The following TTC7B variants were observed in gnomAD, a reference collection of about 807,000 sequenced individuals.
TTC7B encodes the protein tetratricopeptide repeat domain 7B.
A neutral mutation model predicts 106.8 loss-of-function variants in TTC7B; 28 were observed. The ratio of observed to expected loss-of-function variants is 0.26; its 90% CI spans 0.19 to 0.36. The LOEUF (loss-of-function observed/expected upper bound fraction) is 0.36. TTC7B is among the 10% of genes least tolerant of loss of function. The probability of loss-of-function intolerance (pLI) is 1.00; values close to 1 mark genes in which losing one functional copy is unlikely to be tolerated. For missense variants in TTC7B, 862 were observed against 1,076.4 expected (o/e 0.80, Z 2.79); for synonymous variants, 405 against 430.6 (o/e 0.94, Z 0.74).
At chr14:90,545,914 G>A (rs1889809644) in intron 19 of TTC7B, among the ~76,000 whole-genome samples, 1 of 151,988 alleles carries the variant, frequency 6.6e-6, no homozygotes, top group Admixed American at 6.5e-5. Flanking sequence ...ACCTGGACTT[G>A]TAGTCCTAAC....
At chr14:90,571,796 T>A (rs947385959) in intron 19 of TTC7B, among the ~76,000 whole-genome samples, 5 of 152,256 alleles carry the variant, frequency 3.3e-5, no homozygotes, top group African/African-American at 1.2e-4. Flanking sequence ...AGATGTCTTC[T>A]GAAGACGTTT....
chr14:90,795,228 C>CA lies in TTC7B; in HGVS notation c.122-8901dup, dbSNP rs58849415. On this transcript the variant is annotated intron_variant, in intron 1 of 19. Coordinates refer to ENST00000328459, the MANE Select transcript of TTC7B (RefSeq NM_001010854.2). Reference sequence around the variant, plus strand: ...ATCTGAGACTACCACAAAAACAAGACAAAAAAAAAATGTTTTCAAGACATT... The same window carrying CA: ...ATCTGAGACTACCACAAAAACAAGACAAAAAAAAAAATGTTTTCAAGACATT... 3.2e-3 allele frequency among the ~76,000 whole-genome samples: 471 copies of CA among 148,588 alleles called. 1 individual carries two copies. The highest frequency in any genetic ancestry group is 4.2e-3 in the Non-Finnish European group (278 of 66,934).
At chr14:90,610,201 T>C (rs1419945167) in intron 17 of TTC7B, among the ~76,000 whole-genome samples, 1 of 152,202 alleles carries the variant, frequency 6.6e-6, no homozygotes, top group African/African-American at 2.4e-5. Flanking sequence ...TCCCCTGTAG[T>C]TAGGTGGACT....
At chr14:90,746,707 A>G (rs868732480) in intron 3 of TTC7B, among the ~76,000 whole-genome samples, 13 of 152,334 alleles carry the variant, frequency 8.5e-5, no homozygotes, top group Admixed American at 5.2e-4. Context: ...ATAGGTATTT[A>G]GTGTCAGCAA....
At chr14:90,724,980 C>CT (rs1364134536) in intron 5 of TTC7B, among the ~76,000 whole-genome samples, 4 of 152,116 alleles carry the variant, frequency 2.6e-5, no homozygotes, top group African/African-American at 7.2e-5. Context: ...ATGTCTTCAT[C>CT]TTTTTTCTTT....
At chr14:90,752,374 A>C (rs776965679) in intron 3 of TTC7B, among the ~76,000 whole-genome samples, 1 of 152,142 alleles carries the variant, frequency 6.6e-6, no homozygotes, top group Non-Finnish European at 1.5e-5. Context: ...AATTTAAAAA[A>C]AGAAAGATTC....
intron 1 of TTC7B, among the ~76,000 whole-genome samples, chr14:90,798,125 A>G (rs2029995174): frequency 6.6e-6 from 1 of 152,158 alleles, no homozygotes; most frequent in Non-Finnish European, 1.5e-5. Flanking sequence ...GAACGTGCCT[A>G]GGCCAGCCCA....
intron 7 of TTC7B, among the ~76,000 whole-genome samples, chr14:90,686,941 C>T (rs867666287): frequency 6.6e-6 from 1 of 151,280 alleles, no homozygotes; most frequent in African/African-American, 2.4e-5. Context: ...GGAACTATTC[C>T]TCAAATTGAT....
At chr14:90,639,832 A>T (rs113653476) in intron 15 of TTC7B, among the ~76,000 whole-genome samples, 47 of 152,322 alleles carry the variant, frequency 3.1e-4, no homozygotes, top group African/African-American at 1.1e-3. Flanking sequence ...AATACTATTC[A>T]TTCATGCAAA....
intron 3 of TTC7B, among the ~76,000 whole-genome samples, chr14:90,752,649 C>T (rs1180616443): frequency 1.3e-5 from 2 of 152,182 alleles, no homozygotes; most frequent in Non-Finnish European, 2.9e-5. Flanking sequence ...CAGCACTATG[C>T]CTGGGATATG....
At position 90,535,674 on chromosome 14, in the gene TTC7B, C is replaced by G. The variant is rs58248078; in HGVS notation, c.*5694G>C. On this transcript the variant is annotated 3_prime_UTR_variant, in exon 20 of 20. Coordinates refer to ENST00000328459, the MANE Select transcript of TTC7B (RefSeq NM_001010854.2). Reference sequence around the variant, plus strand: ...GAAAGAGACTTCACCTTTTCCTCCCCCTTGAGCCCACTCCAACCTGGCTTG... The same window carrying G: ...GAAAGAGACTTCACCTTTTCCTCCCGCTTGAGCCCACTCCAACCTGGCTTG... The G allele has an allele frequency of 0.3, 45,077 of 152,354 alleles. 7,015 individuals carry two copies. Among genetic ancestry groups the G allele is most frequent in the Admixed American group, 0.35 (5,321 of 15,294 alleles). 9.4% of individuals were successfully genotyped at this position (152,354 alleles called of 1,614,324 possible). A position where few individuals can be genotyped will look rare whatever the true frequency, so the allele number is the denominator to read the frequency against.
In TTC7B at chr14:90,708,145, C is replaced by CAAAA. The variant is rs56260414; in HGVS notation, c.699-12571_699-12568dup. 4.7e-3 allele frequency among the ~76,000 whole-genome samples: 291 copies of CAAAA among 61,296 alleles called. 13 individuals carry two copies. Among genetic ancestry groups the CAAAA allele is most frequent in the African/African-American group, 0.017 (271 of 15,592 alleles). The allele number at this position is 61,296 out of a possible 152,430, so 40.2% of individuals were successfully genotyped here. ...CAGGCGACAGTGCGAGACTCCATCT[C>CAAAA]AAAAAAAAAAAAAAAAAAAAAAAAA... On this transcript the variant is annotated intron_variant, in intron 5 of 19. Transcript: ENST00000328459.
At chr14:90,676,892 G>T (rs558891001) in intron 8 of TTC7B, among the ~76,000 whole-genome samples, 1 of 152,280 alleles carries the variant, frequency 6.6e-6, no homozygotes, top group Admixed American at 6.5e-5. Context: ...AACCTAGAGG[G>T]CACCTGTACC....
chr14:90,745,736 G>A (rs1404801350), intron 3 of TTC7B, among the ~76,000 whole-genome samples: 3 of 145,790 alleles, frequency 2.1e-5, no homozygotes, highest in African/African-American at 7.7e-5. Flanking sequence ...ATGTAGTCTC[G>A]CTCTGTCACC....
chr14:90,771,876 A>G (rs939783713), intron 3 of TTC7B, among the ~76,000 whole-genome samples: 1 of 147,226 alleles, frequency 6.8e-6, no homozygotes, highest in Non-Finnish European at 1.5e-5. Context: ...TTAAAAATAA[A>G]TATTAAGTAT....
chr14:90,657,165 C>T lies in TTC7B; in HGVS notation c.1341+9G>A. ...CTGCAGGAGCGGGGAGGGGGGCGCC[C>T]CTACTCACCCAGTGCAGGGAGCCCA... On this transcript the variant is annotated intron_variant, in intron 11 of 19. Transcript: ENST00000328459. This position sits in a 1 kb window ranked among gnomAD's most constrained non-coding sequence, Gnocchi z 4.2. 6.2e-7 allele frequency: 1 copy of T among 1,612,276 alleles called. No homozygotes were observed. The highest frequency in any genetic ancestry group is 8.5e-7 in the Non-Finnish European group (1 of 1,178,716).
At chr14:90,731,775 T>A (rs1407259345) in intron 4 of TTC7B, among the ~76,000 whole-genome samples, 1 of 152,110 alleles carries the variant, frequency 6.6e-6, no homozygotes, top group Non-Finnish European at 1.5e-5. Context: ...ACCGCATCCA[T>A]CCCTAAGAGC....
At chr14:90,789,104 T>C (rs551616268) in intron 1 of TTC7B, among the ~76,000 whole-genome samples, 5 of 152,336 alleles carry the variant, frequency 3.3e-5, no homozygotes, top group African/African-American at 4.8e-5. Flanking sequence ...AATTTTGTTT[T>C]GTTTTGTTTT....
At chr14:90,571,316 G>A (rs1891025682) in intron 19 of TTC7B, among the ~76,000 whole-genome samples, 1 of 152,158 alleles carries the variant, frequency 6.6e-6, no homozygotes, top group Non-Finnish European at 1.5e-5. Context: ...AGCAAAGATC[G>A]AAGATGAAGT....
Sources: gnomAD v4.1 joint callset for allele counts (sites outside exome capture counted in the v4.1 genomes callset) on GRCh38, gnomAD v4.1.1 for gene constraint, Gnocchi (gnomAD v3.1) non-coding constraint, MANE v1.5 for transcripts, NCBI Gene and HGNC (gene_info 2026-07-23, HGNC 2026-07-21) for gene names.